DNAJC13: variants seen among roughly 807,000 people sequenced by gnomAD.
DNAJC13 encodes the protein dnaJ homolog subfamily C member 13.
DNAJC13 carries 75 observed loss-of-function variants against 290.5 expected under a neutral mutation model. The observed-to-expected ratio is 0.26, with a 90% CI of 0.21 to 0.31. DNAJC13 has a LOEUF of 0.31. Ranked by LOEUF, DNAJC13 falls within the 10% of genes least tolerant of loss-of-function variation. DNAJC13 has a pLI of 1.00. For synonymous variants in DNAJC13, 862 were observed against 892.0 expected, an observed-to-expected ratio of 0.97 and a Z score of 0.60; for missense variants, 2,260 against 2,674.5, an observed-to-expected ratio of 0.85 and a Z score of 3.42.
intron 54 of DNAJC13, among the ~76,000 whole-genome samples, chr3:132,529,105 C>T (rs1461699319): frequency 6.6e-6 from 1 of 152,202 alleles, no homozygotes; most frequent in Non-Finnish European, 1.5e-5. Flanking sequence ...AGCAGCTACT[C>T]TCCCTTTCTT....
intron 1 of DNAJC13, among the ~76,000 whole-genome samples, chr3:132,419,158 A>C (rs1176011753): frequency 6.6e-6 from 1 of 152,220 alleles, no homozygotes; most frequent in Non-Finnish European, 1.5e-5. Context: ...TCCTTGTTTG[A>C]AAACAGGAAG....
chr3:132,456,611 G>C (rs1333825204), intron 11 of DNAJC13, 31 bp downstream of exon 11: 2 of 1,613,092 alleles, frequency 1.2e-6, no homozygotes, highest in Admixed American at 1.7e-5. Flanking sequence ...ATTGTTCATT[G>C]TTACTAACTT....
intron 17 of DNAJC13, among the ~76,000 whole-genome samples, chr3:132,465,269 A>T (rs1193383863): frequency 6.6e-6 from 1 of 152,146 alleles, no homozygotes; most frequent in East Asian, 1.9e-4. Context: ...CATAGGTTTC[A>T]TGACCATTCT....
chr3:132,514,898 A>ATTTT, intron 46 of DNAJC13: 1 of 185,004 alleles, frequency 5.4e-6, no homozygotes, highest in Non-Finnish European at 9.5e-6. Context: ...CCAAAGGAAA[A>ATTTT]TAACCTGGGA....
At chr3:132,430,158 C>T (rs1939203954) in intron 1 of DNAJC13, among the ~76,000 whole-genome samples, 1 of 152,160 alleles carries the variant, frequency 6.6e-6, no homozygotes, top group Non-Finnish European at 1.5e-5. Flanking sequence ...TAAGGACTCT[C>T]TGGAGTCTGG....
chr3:132,477,468 G>A (rs1227202484), intron 22 of DNAJC13, among the ~76,000 whole-genome samples: 1 of 152,232 alleles, frequency 6.6e-6, no homozygotes, highest in South Asian at 2.1e-4. Flanking sequence ...GTGTATGTGT[G>A]TTGAGCAAAT....
chr3:132,456,914 T>C, intron 12 of DNAJC13, 82 bp downstream of exon 12: 1 of 1,446,058 alleles, frequency 6.9e-7, no homozygotes, highest in Non-Finnish European at 9.4e-7. Context: ...TCACCTCCTT[T>C]TCCTTGACTA....
chr3:132,425,452 A>C (rs1939065488), intron 1 of DNAJC13, among the ~76,000 whole-genome samples: 1 of 152,102 alleles, frequency 6.6e-6, no homozygotes, highest in South Asian at 2.1e-4. Context: ...TGCCCACCTA[A>C]AGGTTTTTAC....
chr3:132,521,578 T>G (rs1221966632), intron 48 of DNAJC13, among the ~76,000 whole-genome samples: 29 of 152,234 alleles, frequency 1.9e-4, no homozygotes, highest in Admixed American at 1.8e-3. Flanking sequence ...GGTGCTTCTT[T>G]GACATGTAAT....
chr3:132,429,707 T>TA (rs1312265097), intron 1 of DNAJC13, among the ~76,000 whole-genome samples: 1 of 152,204 alleles, frequency 6.6e-6, no homozygotes, highest in African/African-American at 2.4e-5. Flanking sequence ...CAGATGGTAA[T>TA]ATAGCATTGA....
At chr3:132,519,478 A>G (rs1936017854) in intron 48 of DNAJC13, among the ~76,000 whole-genome samples, 1 of 151,322 alleles carries the variant, frequency 6.6e-6, no homozygotes, top group Non-Finnish European at 1.5e-5. Flanking sequence ...TTGAGTTGTA[A>G]TTGTTATGTT....
chr3:132,456,428 A>T, intron 10 of DNAJC13, 27 bp downstream of exon 10: 1 of 1,610,958 alleles, frequency 6.2e-7, no homozygotes, highest in Non-Finnish European at 8.5e-7. Context: ...ATGTAATTAC[A>T]TTTCCACTCA....
At chr3:132,497,532 A>G (rs1308380917) in intron 36 of DNAJC13, among the ~76,000 whole-genome samples, 2 of 152,224 alleles carry the variant, frequency 1.3e-5, no homozygotes, top group African/African-American at 2.4e-5. Context: ...AGGATCTAGC[A>G]GTTGGATTAT....
rs1242648368 is a variant in DNAJC13, at chr3:132,538,519, A to G, written c.*237A>G. 2 of 368,986 alleles carry G rather than the reference A, an allele frequency of 5.4e-6. No individual in the cohort carries two copies. Among genetic ancestry groups the G allele is most frequent in the African/African-American group, 4.2e-5 (2 of 47,476 alleles). The allele number at this position is 368,986 out of a possible 1,614,324, so 22.9% of individuals were successfully genotyped here. ...ACAAGAATTTTTTTTTTCTTGGTGT[A>G]TGTAAGCACATTTGTTCCTTTATAT... is the stretch of plus-strand genomic sequence containing the variant. On this transcript the variant is annotated 3_prime_UTR_variant, in exon 56 of 56. Coordinates refer to ENST00000260818, the MANE Select transcript of DNAJC13 (RefSeq NM_015268.4).
intron 17 of DNAJC13, among the ~76,000 whole-genome samples, chr3:132,464,445 A>C (rs1456657837): frequency 6.6e-6 from 1 of 152,172 alleles, no homozygotes; most frequent in Admixed American, 6.5e-5. Context: ...ATTATGACTC[A>C]TATTAGTAAA....
At chr3:132,440,367 TAA>T (rs1295803186) in intron 2 of DNAJC13, among the ~76,000 whole-genome samples, 1 of 152,260 alleles carries the variant, frequency 6.6e-6, no homozygotes, top group Non-Finnish European at 1.5e-5. Context: ...ACTAGTGGAA[TAA>T]TAGCAATAGG....
intron 1 of DNAJC13, among the ~76,000 whole-genome samples, chr3:132,425,218 C>T (rs1939059237): frequency 6.6e-6 from 1 of 152,034 alleles, no homozygotes; most frequent in Non-Finnish European, 1.5e-5. Flanking sequence ...TCCTTACTAC[C>T]CCTCCCTTTT....
chr3:132,534,357 A>T (rs554708085), intron 55 of DNAJC13, among the ~76,000 whole-genome samples: 1 of 152,260 alleles, frequency 6.6e-6, no homozygotes, highest in East Asian at 1.9e-4. Flanking sequence ...AGTCTGTCCT[A>T]TTTGAAAGGA....
chr3:132,454,237 G>T, intron 9 of DNAJC13, 80 bp downstream of exon 9: 1 of 909,662 alleles, frequency 1.1e-6, no homozygotes, highest in Non-Finnish European at 1.7e-6. Flanking sequence ...CCAAAGATAT[G>T]TAGTCTAGAA....
Sources: gnomAD v4.1 joint callset for allele counts (sites outside exome capture counted in the v4.1 genomes callset) on GRCh38, gnomAD v4.1.1 for gene constraint, MANE v1.5 for transcripts, NCBI Gene and HGNC (gene_info 2026-07-23, HGNC 2026-07-21) for gene names.